SLC16A10: variants seen among roughly 807,000 people sequenced by gnomAD.
SLC16A10 encodes solute carrier family 16 member 10.
Under a neutral mutation model 40.0 loss-of-function variants are expected in SLC16A10, and 27 were observed. That is an observed-to-expected ratio of 0.67 (90% CI 0.50 to 0.93). The LOEUF (loss-of-function observed/expected upper bound fraction) is 0.93, where lower values mean the gene tolerates loss of function less well. Among genes scored for constraint, SLC16A10 ranks in the 40% least tolerant of loss-of-function variants. The probability of loss-of-function intolerance (pLI) is 0.00; values close to 1 mark genes in which losing one functional copy is unlikely to be tolerated. For missense variants in SLC16A10, 529 were observed against 658.2 expected (o/e 0.80, Z 2.15); for synonymous variants, 213 against 249.8 (o/e 0.85, Z 1.39).
At chr6:111,134,820 G>A (rs977515895) in intron 1 of SLC16A10, among the ~76,000 whole-genome samples, 1 of 152,218 alleles carries the variant, frequency 6.6e-6, no homozygotes, top group Non-Finnish European at 1.5e-5. Context: ...AGATGATCCA[G>A]CAGCAGGACT....
At chr6:111,169,714 T>A (rs1772546786) in intron 1 of SLC16A10, among the ~76,000 whole-genome samples, 1 of 152,224 alleles carries the variant, frequency 6.6e-6, no homozygotes, top group Non-Finnish European at 1.5e-5. Flanking sequence ...GAAGTGTTCA[T>A]CTAGTGTCAA....
At chr6:111,148,213 C>T (rs892096539) in intron 1 of SLC16A10, among the ~76,000 whole-genome samples, 1 of 152,134 alleles carries the variant, frequency 6.6e-6, no homozygotes, top group African/African-American at 2.4e-5. Context: ...TCATCTATCT[C>T]AATTTTTCCT....
intron 1 of SLC16A10, among the ~76,000 whole-genome samples, chr6:111,120,104 G>A (rs575247429): frequency 1.2e-4 from 19 of 152,300 alleles, no homozygotes; most frequent in African/African-American, 2.4e-4. Context: ...AGAGATTTGC[G>A]TATGTCCTCA....
intron 1 of SLC16A10, among the ~76,000 whole-genome samples, chr6:111,108,238 T>A (rs754680689): frequency 2.0e-5 from 3 of 152,180 alleles, no homozygotes; most frequent in African/African-American, 4.8e-5. Context: ...CAGGCTGGTC[T>A]TGAATTCCTG....
At chr6:111,122,141 C>G (rs1216114999) in intron 1 of SLC16A10, among the ~76,000 whole-genome samples, 1 of 152,206 alleles carries the variant, frequency 6.6e-6, no homozygotes, top group African/African-American at 2.4e-5. Context: ...GATCAGGCGT[C>G]TGTGACTCAC....
At chr6:111,135,728 A>G (rs1238231577) in intron 1 of SLC16A10, among the ~76,000 whole-genome samples, 1 of 152,208 alleles carries the variant, frequency 6.6e-6, no homozygotes, top group African/African-American at 2.4e-5. Context: ...GACTTGAGCC[A>G]GTTCTCATAC....
At chr6:111,105,567 C>T (rs1001194888) in intron 1 of SLC16A10, among the ~76,000 whole-genome samples, 1 of 152,114 alleles carries the variant, frequency 6.6e-6, no homozygotes, top group African/African-American at 2.4e-5. Flanking sequence ...GGGAGTCAGT[C>T]CTAATTGAGA....
intron 1 of SLC16A10, among the ~76,000 whole-genome samples, chr6:111,139,600 G>A (rs1364391330): frequency 2.0e-5 from 3 of 152,116 alleles, no homozygotes; most frequent in Non-Finnish European, 4.4e-5. Context: ...ACGCCCAGCC[G>A]ATCTTGTTCT....
chr6:111,185,939 G>T (rs1300167800), intron 3 of SLC16A10, among the ~76,000 whole-genome samples: 1 of 148,182 alleles, frequency 6.7e-6, no homozygotes, highest in Non-Finnish European at 1.5e-5. Flanking sequence ...TCACTCTCTT[G>T]TCCAGGCTGG....
intron 3 of SLC16A10, among the ~76,000 whole-genome samples, chr6:111,179,531 A>C (rs1772751502): frequency 6.6e-6 from 1 of 152,242 alleles, no homozygotes; most frequent in African/African-American, 2.4e-5. Context: ...AAATGTGTCC[A>C]TCTTATTAGG....
chr6:111,128,620 C>T (rs1490227845), intron 1 of SLC16A10, among the ~76,000 whole-genome samples: 3 of 152,064 alleles, frequency 2.0e-5, no homozygotes, highest in Admixed American at 6.5e-5. Flanking sequence ...CACTCGAAGT[C>T]GGATGCAGTA....
intron 1 of SLC16A10, among the ~76,000 whole-genome samples, chr6:111,169,603 G>C (rs1199591342): frequency 2.6e-5 from 4 of 152,220 alleles, no homozygotes; most frequent in Admixed American, 6.5e-5. Flanking sequence ...GTTCCCTGGG[G>C]CTGGGGAAAA....
At chr6:111,205,854 G>A (rs556630748) in intron 3 of SLC16A10, among the ~76,000 whole-genome samples, 5 of 152,262 alleles carry the variant, frequency 3.3e-5, no homozygotes, top group African/African-American at 1.2e-4. Context: ...GTTATAACTC[G>A]TTTCAGGGGT....
intron 1 of SLC16A10, among the ~76,000 whole-genome samples, chr6:111,146,260 G>C (rs1772075330): frequency 1.3e-5 from 2 of 152,152 alleles, no homozygotes; most frequent in Non-Finnish European, 1.5e-5. Flanking sequence ...ACACCCATTA[G>C]GATGGCTAAA....
intron 1 of SLC16A10, among the ~76,000 whole-genome samples, chr6:111,097,284 C>G (rs1266508195): frequency 6.6e-6 from 1 of 152,054 alleles, no homozygotes; most frequent in Non-Finnish European, 1.5e-5. Context: ...AAAATTTTGT[C>G]AAGCTTTACT....
intron 1 of SLC16A10, among the ~76,000 whole-genome samples, chr6:111,113,465 T>G (rs537199384): frequency 8.1e-4 from 123 of 151,854 alleles, no homozygotes; most frequent in African/African-American, 2.4e-3. Context: ...AGCTCTGGGG[T>G]TTTTTTTGTT....
intron 1 of SLC16A10, among the ~76,000 whole-genome samples, chr6:111,158,089 AATAAT>A (rs1048544530): frequency 6.6e-6 from 1 of 152,126 alleles, no homozygotes; most frequent in South Asian, 2.1e-4. Flanking sequence ...AAGAGCTATT[AATAAT>A]ATAATGTGAA....
chr6:111,201,075 G>T (rs1317997966), intron 3 of SLC16A10, among the ~76,000 whole-genome samples: 1 of 152,062 alleles, frequency 6.6e-6, no homozygotes, highest in Non-Finnish European at 1.5e-5. Context: ...AAACATACAG[G>T]TCCCCTCCCT....
intron 2 of SLC16A10, among the ~76,000 whole-genome samples, chr6:111,174,519 A>C (rs888515208): frequency 6.6e-6 from 1 of 152,026 alleles, no homozygotes; most frequent in Admixed American, 6.6e-5. Flanking sequence ...AAGTACCTTT[A>C]TGGGTTTTTT....
Sources: gnomAD v4.1 joint callset for allele counts (sites outside exome capture counted in the v4.1 genomes callset) on GRCh38, gnomAD v4.1.1 for gene constraint, MANE v1.5 for transcripts, NCBI Gene and HGNC (gene_info 2026-07-23, HGNC 2026-07-21) for gene names.